Variants in CYFIP2 observed in about 807,000 individuals in gnomAD.
The protein encoded by CYFIP2 is cytoplasmic FMR1-interacting protein 2.
Under a neutral mutation model 158.7 loss-of-function variants are expected in CYFIP2, and 29 were observed. That is an observed-to-expected ratio of 0.18 (90% CI 0.14 to 0.25). The LOEUF (loss-of-function observed/expected upper bound fraction) is 0.25. Ranked by LOEUF, CYFIP2 falls within the 10% of genes least tolerant of loss-of-function variation. CYFIP2 has a pLI of 1.00. For synonymous variants in CYFIP2, 585 were observed against 617.6 expected (o/e 0.95, Z 0.78); for missense variants, 852 against 1,639.5 (o/e 0.52, Z 8.29).
At position 157,300,770 on chromosome 5, in the gene CYFIP2, G is replaced by A. The variant is rs1758680646; in HGVS notation, c.443G>A (p.Arg148His). ...GTGAAGCGGCTGTGCCATGCCGAGC[G>A]CAGGAAGGACTTTGTCTCTGAGGCC... is the stretch of plus-strand genomic sequence containing the variant. ...SEVKRLCHAE[R>H]RKDFVSEAYL... Residue 148 changes from arginine (R) to histidine (H), a missense_variant, in exon 6 of 31, where the codon CGC becomes CAC. By Grantham distance (29) the Arg-to-His change is conservative. Coordinates refer to ENST00000620254, the MANE Select transcript of CYFIP2 (RefSeq NM_001037333.3). 1 of 1,613,020 alleles carries A rather than the reference G, an allele frequency of 6.2e-7. No individual in the cohort carries two copies. The highest frequency in any genetic ancestry group is 8.5e-7 in the Non-Finnish European group (1 of 1,179,320).
chr5:157,310,495 C>T (rs1404899356), intron 10 of CYFIP2, among the ~76,000 whole-genome samples: 3 of 152,224 alleles, frequency 2.0e-5, no homozygotes, highest in African/African-American at 7.2e-5. Flanking sequence ...ATGGAGTGTC[C>T]TTGAACTGCA....
chr5:157,308,585 G>A (rs184244801), intron 9 of CYFIP2, among the ~76,000 whole-genome samples: 6 of 152,188 alleles, frequency 3.9e-5, no homozygotes, highest in Admixed American at 6.5e-5. Flanking sequence ...TCATGGGAAA[G>A]CCCAGATTAA....
Position 157,352,657 on chromosome 5 carries a change from G to C in CYFIP2, c.2674-6348G>C, listed in dbSNP as rs371014168. Among the ~76,000 whole-genome samples the C allele has an allele frequency of 5.3e-5, 8 of 152,284 alleles. No individual in the cohort carries two copies. The East Asian group carries it at 1.5e-3, about 29-fold the overall frequency. ...ATTCAGATTCCACTTCTGCTAAATG[G>C]GGATACTTGCACTGCCTTACCTGGT... On this transcript the variant is annotated intron_variant, in intron 23 of 30. Coordinates refer to ENST00000620254, the MANE Select transcript of CYFIP2 (RefSeq NM_001037333.3).
chr5:157,301,115 A>G (rs375780553), intron 6 of CYFIP2, among the ~76,000 whole-genome samples: 7 of 152,324 alleles, frequency 4.6e-5, no homozygotes, highest in African/African-American at 1.7e-4. Flanking sequence ...GTAGAGTTTT[A>G]TATCTCAAGA....
chr5:157,282,917 GTTA>G (rs1251653259), intron 1 of CYFIP2, among the ~76,000 whole-genome samples: 5 of 152,234 alleles, frequency 3.3e-5, no homozygotes, highest in African/African-American at 1.2e-4. Flanking sequence ...CAGGCATTGT[GTTA>G]TTAAGAAGCT....
intron 13 of CYFIP2, among the ~76,000 whole-genome samples, chr5:157,318,608 GA>G (rs147496991): frequency 6.6e-6 from 1 of 152,062 alleles, no homozygotes. Flanking sequence ...AAGTTTTAGA[GA>G]AAAAAACAGC....
chr5:157,322,832 G>A (rs1025376689), intron 15 of CYFIP2: 55 of 1,187,900 alleles, frequency 4.6e-5, no homozygotes, highest in African/African-American at 6.1e-5. Context: ...CTTTCCCACC[G>A]TATACAATAC....
At chr5:157,367,552 C>T (rs1461646063) in intron 26 of CYFIP2, among the ~76,000 whole-genome samples, 1 of 152,174 alleles carries the variant, frequency 6.6e-6, no homozygotes. Flanking sequence ...GACAGATGCC[C>T]AGCTGAGCTT....
At chr5:157,304,043 C>T (rs560870533) in intron 7 of CYFIP2, among the ~76,000 whole-genome samples, 195 bp from the exon 8 acceptor site, 6 of 152,228 alleles carry the variant, frequency 3.9e-5, no homozygotes, top group Non-Finnish European at 5.9e-5. Flanking sequence ...GGGAGGTGTG[C>T]AGGAGTACTG....
Position 157,393,424 on chromosome 5 carries a change from G to A in CYFIP2, c.*424G>A. The A allele has an allele frequency of 6.4e-6, 1 of 155,404 alleles. No homozygotes were observed. Among genetic ancestry groups the A allele is most frequent in the Non-Finnish European group, 1.4e-5 (1 of 70,268 alleles). The allele number at this position is 155,404 out of a possible 1,614,324, so 9.6% of individuals were successfully genotyped here. A position where few individuals can be genotyped will look rare whatever the true frequency, so the allele number is the denominator to read the frequency against. On this transcript the variant is annotated 3_prime_UTR_variant, in exon 31 of 31. Transcript: ENST00000620254. Reference sequence around the variant, plus strand: ...TCAGACTGTGAACAGATGTGGCCATGCCCAGAGACGCCAGCCTGGCCAGAA... The same window carrying A: ...TCAGACTGTGAACAGATGTGGCCATACCCAGAGACGCCAGCCTGGCCAGAA...
At chr5:157,382,897 C>T (rs368273823) in intron 27 of CYFIP2, among the ~76,000 whole-genome samples, 98 of 152,116 alleles carry the variant, frequency 6.4e-4, no homozygotes, top group African/African-American at 2.2e-3. Context: ...TTCTGTCATT[C>T]ATTCAAATTC....
At chr5:157,384,623 T>G (rs1405135781) in intron 28 of CYFIP2, 1 of 411,370 alleles carries the variant, frequency 2.4e-6, no homozygotes, top group Admixed American at 2.6e-5. Context: ...GCCACCAACC[T>G]CCTTCTGAAA....
intron 23 of CYFIP2, chr5:157,343,344 G>A: frequency 6.2e-7 from 1 of 1,614,210 alleles, no homozygotes; most frequent in Non-Finnish European, 8.5e-7. Flanking sequence ...GGGGCAAGAT[G>A]TTCCAGCACC....
intron 3 of CYFIP2, among the ~76,000 whole-genome samples, chr5:157,294,018 A>G (rs761316098): frequency 6.6e-5 from 10 of 152,174 alleles, no homozygotes; most frequent in Non-Finnish European, 1.3e-4. Context: ...CAAAAGACCA[A>G]TCTTACATTC....
chr5:157,330,844 C>T lies in CYFIP2; in HGVS notation c.2259C>T (p.His753=), dbSNP rs771980621. 5.6e-6 allele frequency: 9 copies of T among 1,613,568 alleles called. No homozygotes were observed. The highest frequency in any genetic ancestry group is 5.0e-5 in the Admixed American group (3 of 60,020). Residue 753 remains histidine (H), a synonymous_variant, in exon 20 of 31, where the codon CAC becomes CAT. Coordinates refer to ENST00000620254, the MANE Select transcript of CYFIP2 (RefSeq NM_001037333.3). ...NRYETLLKQR[H]VQLLGRSIDL... ...ATGAAACACTGCTGAAGCAGAGACA[C>T]GTCCAGGTATGGGGAGCAGAAGCCA...
intron 28 of CYFIP2, among the ~76,000 whole-genome samples, chr5:157,388,885 C>A (rs905553989): frequency 6.6e-6 from 1 of 152,220 alleles, no homozygotes; most frequent in Non-Finnish European, 1.5e-5. Context: ...AGTAGTACTA[C>A]TAGTAGTATC....
chr5:157,368,216 G>T lies in CYFIP2; in HGVS notation c.3039+6618G>T, dbSNP rs114058138. Among the ~76,000 whole-genome samples, 683 of 152,308 alleles carry T rather than the reference G, an allele frequency of 4.5e-3. 7 individuals are homozygous for T. Among genetic ancestry groups the T allele is most frequent in the African/African-American group, 0.015 (638 of 41,554 alleles). ...TGGGTGACAGGGGCACGGGAGAAGT[G>T]TCTCTCACTTTTTAGACTTTAAATT... On this transcript the variant is annotated intron_variant, in intron 26 of 30. Transcript: ENST00000620254.
At chr5:157,382,338 A>G (rs928754293) in intron 26 of CYFIP2, among the ~76,000 whole-genome samples, 1 of 152,240 alleles carries the variant, frequency 6.6e-6, no homozygotes, top group African/African-American at 2.4e-5. Context: ...ACCTGTGACT[A>G]TTCCACAAGG....
Position 157,279,097 on chromosome 5 carries a change from T to C in CYFIP2, c.-23-6242T>C, listed in dbSNP as rs1046657539. Among the ~76,000 whole-genome samples, 19 of 152,352 alleles carry C rather than the reference T, an allele frequency of 1.2e-4. No individual in the cohort carries two copies. In the South Asian group the frequency reaches 2.5e-3, roughly 20 times the overall value. On this transcript the variant is annotated intron_variant, in intron 1 of 30. Coordinates refer to ENST00000620254, the MANE Select transcript of CYFIP2 (RefSeq NM_001037333.3). ...AATTAAGGACAATTAATTCTATAAA[T>C]TTATTGTAATTTTGTCTTTTGACAT...
Sources: gnomAD v4.1 joint callset for allele counts (sites outside exome capture counted in the v4.1 genomes callset) on GRCh38, gnomAD v4.1.1 for gene constraint, MANE v1.5 for transcripts, NCBI Gene and HGNC (gene_info 2026-07-23, HGNC 2026-07-21) for gene names.